SETD5: variants seen among roughly 807,000 people sequenced by gnomAD.
The protein encoded by SETD5 is histone-lysine N-methyltransferase SETD5.
In SETD5, 44 loss-of-function variants were observed where a neutral mutation model predicts 153.3. The ratio of observed to expected loss-of-function variants is 0.29; its 90% CI spans 0.23 to 0.37. The LOEUF (loss-of-function observed/expected upper bound fraction) is 0.37, where lower values mean the gene tolerates loss of function less well. Ranked by LOEUF, SETD5 falls within the 10% of genes least tolerant of loss-of-function variation. The probability of loss-of-function intolerance (pLI) is 1.00; values close to 1 mark genes in which losing one functional copy is unlikely to be tolerated. For synonymous variants in SETD5, 716 were observed against 645.2 expected (o/e 1.11, Z -1.66); for missense variants, 1,544 against 1,768.0 (o/e 0.87, Z 2.27).
rs1432617805 is a variant in SETD5 at position 9,429,090 on chromosome 3, A to T, written c.71+81A>T. 6.4e-6 allele frequency: 6 copies of T among 941,684 alleles called. No homozygotes were observed. In the Admixed American group the frequency reaches 1.3e-4, roughly 20 times the overall value. The allele number at this position is 941,684 out of a possible 1,614,324, so 58.3% of individuals were successfully genotyped here. A position where few individuals can be genotyped will look rare whatever the true frequency, so the allele number is the denominator to read the frequency against. On this transcript the variant is annotated intron_variant, in intron 3 of 22. Transcript: ENST00000402198. ...TCTTATGGATAGCTAATAGGATAAT[A>T]TGTAGTATTTTCTTAACCAGATCCT...
At chr3:9,404,614 T>C (rs1176106777) in intron 1 of SETD5, among the ~76,000 whole-genome samples, 3 of 152,178 alleles carry the variant, frequency 2.0e-5, no homozygotes, top group African/African-American at 7.2e-5. Context: ...AGCACCAGTC[T>C]CCATACCAGA....
At chr3:9,429,781 C>T (rs774502651) in intron 3 of SETD5, 1 of 1,246,858 alleles carries the variant, frequency 8.0e-7, no homozygotes, top group South Asian at 1.3e-5. Flanking sequence ...CAGATTCCCC[C>T]TCTTGTCCTT....
At chr3:9,436,741 G>C (rs1394349993) in intron 7 of SETD5, 1 of 885,606 alleles carries the variant, frequency 1.1e-6, no homozygotes, top group Non-Finnish European at 1.7e-6. Flanking sequence ...AGAGAAAGGG[G>C]GACAGAATAG....
Position 9,470,683 on chromosome 3 carries a change from G to T in SETD5, c.2949G>T (p.Leu983Phe). The T allele has an allele frequency of 6.2e-7, 1 of 1,613,978 alleles. No homozygotes were observed. The highest frequency in any genetic ancestry group is 1.1e-5 in the South Asian group (1 of 91,076). ...AGGCATTTCGGACAGAGTTCAACTT[G>T]ATGTATGCCTACTCCCCTTTGAATG... ...SDQAFRTEFN[L>F]MYAYSPLNAM... The change falls in exon 19 of 23, where the codon TTG becomes TTT. Residue 983 changes from leucine (L) to phenylalanine (F), a missense_variant. Around this residue, in one of 9 missense-constraint regions of SETD5, gnomAD observed 782 missense variants for 787.2 expected, o/e 0.99. Coordinates refer to ENST00000402198, the MANE Select transcript of SETD5 (RefSeq NM_001080517.3).
chr3:9,464,784 C>A, intron 18 of SETD5, 112 bp downstream of exon 18: 1 of 1,538,400 alleles, frequency 6.5e-7, no homozygotes. Context: ...TCTTCCCCAT[C>A]TCAGTAAGAG....
rs1432231015 is a variant in SETD5 at position 9,445,962 on chromosome 3, G to GTTTTTTTTTTTTTTTTTTTTTTTTTTTTT, written c.1524+224_1524+225insTTTTTTTTTTTTTTTTTTTTTTTTTTTTT. Among the ~76,000 whole-genome samples the GTTTTTTTTTTTTTTTTTTTTTTTTTTTTT allele has an allele frequency of 1.7e-4, 20 of 120,244 alleles. 3 individuals carry two copies. The highest frequency in any genetic ancestry group is 5.3e-4 in the Admixed American group (6 of 11,308). 78.9% of individuals were successfully genotyped at this position (120,244 alleles called of 152,430 possible). ...TATTATCTAGTGATGGTTTGAAGAG[G>GTTTTTTTTTTTTTTTTTTTTTTTTTTTTT]TTGTTTTTTTTTTTTTTTTTTTTTT... On this transcript the variant is annotated intron_variant, in intron 13 of 22. Transcript: ENST00000402198.
At chr3:9,463,631 A>T (rs1027183938) in intron 17 of SETD5, among the ~76,000 whole-genome samples, 9 of 152,218 alleles carry the variant, frequency 5.9e-5, no homozygotes, top group African/African-American at 2.2e-4. Flanking sequence ...TGTAGAAATC[A>T]TTTCATGCTT....
intron 1 of SETD5, among the ~76,000 whole-genome samples, chr3:9,417,490 T>C (rs1206709034): frequency 1.3e-5 from 2 of 151,974 alleles, no homozygotes; most frequent in Non-Finnish European, 2.9e-5. Context: ...AGTCTTTTTT[T>C]TTTTTTTCCC....
At chr3:9,466,108 G>A (rs184211690) in intron 18 of SETD5, among the ~76,000 whole-genome samples, 2 of 152,124 alleles carry the variant, frequency 1.3e-5, no homozygotes, top group African/African-American at 4.8e-5. Context: ...CTAACGTGGT[G>A]AAACCCCGTC....
At chr3:9,467,022 A>G (rs1343544414) in intron 18 of SETD5, among the ~76,000 whole-genome samples, 4 of 151,590 alleles carry the variant, frequency 2.6e-5, no homozygotes, top group Middle Eastern at 3.4e-3. Flanking sequence ...GTGAGATCCC[A>G]TCTCTAAAAA....
At chr3:9,453,321 CG>C (rs1313969083) in intron 16 of SETD5, among the ~76,000 whole-genome samples, 1 of 152,098 alleles carries the variant, frequency 6.6e-6, no homozygotes, top group Admixed American at 6.5e-5. Context: ...GTCTCTAGCA[CG>C]GGGCAGACAA....
At position 9,445,186 on chromosome 3, in the gene SETD5, A is replaced by G. The variant is rs775616168; in HGVS notation, c.1326A>G (p.Arg442=). 5.0e-6 allele frequency: 8 copies of G among 1,613,888 alleles called. No individual in the cohort carries two copies. The East Asian group carries it at 1.8e-4, about 36-fold the overall frequency. Residue 442 remains arginine, a synonymous_variant, in exon 12 of 23, where the codon AGA becomes AGG. Coordinates refer to ENST00000402198, the MANE Select transcript of SETD5 (RefSeq NM_001080517.3). ...LPTIGAETRR[R]KARRKELEME... The stretch of plus-strand genomic sequence containing the variant: ...CCATTGGAGCAGAGACTAGACGTAG[A>G]AAAGCACGACGGAAAGAGCTAGAGA...
At chr3:9,433,682 T>C in intron 3 of SETD5, 163 bp from the exon 4 acceptor site, 2 of 861,782 alleles carry the variant, frequency 2.3e-6, no homozygotes, top group Non-Finnish European at 3.4e-6. Context: ...TACTGTTATT[T>C]ATAGGCTTAG....
chr3:9,405,317 T>TA (rs1383231588), intron 1 of SETD5, among the ~76,000 whole-genome samples: 2 of 152,216 alleles, frequency 1.3e-5, no homozygotes, highest in Non-Finnish European at 2.9e-5. Context: ...TTTTGGAAAA[T>TA]ACTAATTTGT....
intron 7 of SETD5, among the ~76,000 whole-genome samples, chr3:9,440,002 C>CA (rs2041071746): frequency 6.6e-6 from 1 of 151,980 alleles, no homozygotes; most frequent in South Asian, 2.1e-4. Flanking sequence ...GGAGAATAGT[C>CA]AAAAAACCAG....
At chr3:9,413,509 C>T (rs2036912022) in intron 1 of SETD5, among the ~76,000 whole-genome samples, 1 of 152,024 alleles carries the variant, frequency 6.6e-6, no homozygotes, top group Admixed American at 6.6e-5. Flanking sequence ...GATCTTTTTT[C>T]TCTAGGATTC....
chr3:9,469,879 T>C (rs1329307425), intron 18 of SETD5, among the ~76,000 whole-genome samples: 1 of 152,186 alleles, frequency 6.6e-6, no homozygotes, highest in Non-Finnish European at 1.5e-5. Context: ...CACAGCTTCT[T>C]TAACAGTGAA....
chr3:9,464,384 TC>T (rs1277251854), intron 17 of SETD5, 40 bp from the exon 18 acceptor site: 1 of 1,586,470 alleles, frequency 6.3e-7, no homozygotes, highest in South Asian at 1.1e-5. Flanking sequence ...CTTAAATTAA[TC>T]TGTGGTTTCA....
chr3:9,433,028 C>A (rs554782706), intron 3 of SETD5, among the ~76,000 whole-genome samples: 1 of 152,226 alleles, frequency 6.6e-6, no homozygotes, highest in Non-Finnish European at 1.5e-5. Context: ...CCACATCTTC[C>A]CACTCTGTAA....
Sources: gnomAD v4.1 joint callset for allele counts (sites outside exome capture counted in the v4.1 genomes callset) on GRCh38, gnomAD v4.1.1 for gene constraint, gnomAD v4.1.1 regional missense constraint, MANE v1.5 for transcripts, NCBI Gene and HGNC (gene_info 2026-07-23, HGNC 2026-07-21) for gene names.